Variants in XYLT1 observed in about 807,000 individuals in gnomAD.
XYLT1 encodes the protein xylosyltransferase 1.
XYLT1 carries 36 observed loss-of-function variants against 91.3 expected under a neutral mutation model. That is an observed-to-expected ratio of 0.39 (90% CI 0.30 to 0.52). The LOEUF is 0.52. Ranked by LOEUF, XYLT1 falls within the 20% of genes least tolerant of loss-of-function variation. The pLI is 0.68. For missense variants in XYLT1, 1,242 were observed against 1,284.5 expected (o/e 0.97, Z 0.51); for synonymous variants, 588 against 532.0 (o/e 1.11, Z -1.45).
chr16:17,330,104 TACACACAC>T (rs35148093), intron 2 of XYLT1, among the ~76,000 whole-genome samples: 8 of 144,476 alleles, frequency 5.5e-5, no homozygotes, highest in African/African-American at 1.0e-4. Context: ...TGGAGGTAGA[TACACACAC>T]ACACACACAC....
intron 1 of XYLT1, among the ~76,000 whole-genome samples, chr16:17,434,767 CTGA>C (rs1372991803): frequency 1.3e-5 from 2 of 151,862 alleles, no homozygotes; most frequent in Non-Finnish European, 2.9e-5. Flanking sequence ...ACTTGGGAGG[CTGA>C]TGTGGGAGGG....
At chr16:17,117,279 T>C (rs892511951) in intron 11 of XYLT1, among the ~76,000 whole-genome samples, 10 of 152,254 alleles carry the variant, frequency 6.6e-5, no homozygotes, top group African/African-American at 2.4e-4. Flanking sequence ...TATCATATTT[T>C]TGATGAACAG....
At chr16:17,384,297 A>G (rs2035720385) in intron 1 of XYLT1, among the ~76,000 whole-genome samples, 1 of 151,404 alleles carries the variant, frequency 6.6e-6, no homozygotes, top group South Asian at 2.1e-4. Flanking sequence ...GGTTTTGCCA[A>G]TTTCTTCTCC....
chr16:17,203,425 C>T (rs952670186), intron 3 of XYLT1, among the ~76,000 whole-genome samples: 1 of 152,014 alleles, frequency 6.6e-6, no homozygotes, highest in Non-Finnish European at 1.5e-5. Flanking sequence ...TCCACCATTC[C>T]ACCCATTTAT....
At chr16:17,235,776 C>G (rs1311673440) in intron 3 of XYLT1, among the ~76,000 whole-genome samples, 2 of 152,178 alleles carry the variant, frequency 1.3e-5, no homozygotes, top group African/African-American at 2.4e-5. Flanking sequence ...TGAGTGTCCT[C>G]CAAGTAACAG....
At chr16:17,282,872 C>A (rs879313848) in intron 2 of XYLT1, among the ~76,000 whole-genome samples, 10 of 152,180 alleles carry the variant, frequency 6.6e-5, no homozygotes, top group Admixed American at 4.6e-4. Flanking sequence ...CTGCATTACA[C>A]TATTTCATCC....
chr16:17,326,252 T>C (rs1389269775), intron 2 of XYLT1, among the ~76,000 whole-genome samples: 1 of 152,186 alleles, frequency 6.6e-6, no homozygotes, highest in African/African-American at 2.4e-5. Flanking sequence ...CCAGCAGATC[T>C]CCACAACTTA....
At chr16:17,132,500 GATACCA>G (rs2030521218) in intron 9 of XYLT1, among the ~76,000 whole-genome samples, 1 of 112,996 alleles carries the variant, frequency 8.8e-6, no homozygotes, top group Admixed American at 9.7e-5. Context: ...TGGCAACTAA[GATACCA>G]GCAATGACCT....
At chr16:17,286,857 GT>G (rs1461399376) in intron 2 of XYLT1, among the ~76,000 whole-genome samples, 1 of 152,150 alleles carries the variant, frequency 6.6e-6, no homozygotes, top group Non-Finnish European at 1.5e-5. Context: ...GATGGGGAGT[GT>G]TTTCATTCCA....
chr16:17,418,885 T>C (rs913370490), intron 1 of XYLT1, among the ~76,000 whole-genome samples: 6 of 151,814 alleles, frequency 4.0e-5, no homozygotes, highest in African/African-American at 2.4e-5. Context: ...TGTTCTTATG[T>C]CATTACACTC....
At chr16:17,271,566 C>T (rs1304218685) in intron 2 of XYLT1, among the ~76,000 whole-genome samples, 3 of 152,126 alleles carry the variant, frequency 2.0e-5, no homozygotes, top group South Asian at 2.1e-4. Flanking sequence ...TCAAGGACAG[C>T]GCTGTTGACA....
intron 10 of XYLT1, among the ~76,000 whole-genome samples, chr16:17,121,679 C>G (rs1176237791): frequency 6.6e-6 from 1 of 151,768 alleles, no homozygotes; most frequent in African/African-American, 2.4e-5. Context: ...TTTGGTGCAC[C>G]CATCACTTGA....
intron 1 of XYLT1, among the ~76,000 whole-genome samples, chr16:17,368,153 C>T (rs975350000): frequency 6.6e-6 from 1 of 152,146 alleles, no homozygotes; most frequent in Non-Finnish European, 1.5e-5. Flanking sequence ...GCGGAAAAAA[C>T]GATCCCAGGA....
At chr16:17,272,050 T>G (rs1373003661) in intron 2 of XYLT1, among the ~76,000 whole-genome samples, 2 of 151,908 alleles carry the variant, frequency 1.3e-5, no homozygotes, top group Non-Finnish European at 2.9e-5. Context: ...AAGTTAGGGT[T>G]CCCGCTAGGG....
intron 3 of XYLT1, among the ~76,000 whole-genome samples, chr16:17,236,715 G>A (rs947630153): frequency 2.0e-5 from 3 of 152,210 alleles, no homozygotes; most frequent in Non-Finnish European, 2.9e-5. Flanking sequence ...GGGAATTGCC[G>A]GTAATTCATG....
rs150588202 is a variant in XYLT1, at chr16:17,442,952, A to C, written c.363+27482T>G. On this transcript the variant is annotated intron_variant, in intron 1 of 11. Coordinates refer to ENST00000261381, the MANE Select transcript of XYLT1 (RefSeq NM_022166.4). ...TGAACGTGTGTTACTTTAATCAGCA[A>C]AGATGATACAAATTATTGATTCATT... Among the ~76,000 whole-genome samples the C allele has an allele frequency of 3.3e-5, 5 of 152,218 alleles. No homozygotes were observed. The East Asian group carries it at 5.8e-4, about 18-fold the overall frequency.
chr16:17,137,785 T>G (rs2030797077), intron 8 of XYLT1, among the ~76,000 whole-genome samples: 1 of 151,886 alleles, frequency 6.6e-6, no homozygotes, highest in African/African-American at 2.4e-5. Flanking sequence ...CAAACCTGGC[T>G]GCTCCTCAGA....
At chr16:17,189,323 T>A (rs1441351112) in intron 5 of XYLT1, among the ~76,000 whole-genome samples, 1 of 152,134 alleles carries the variant, frequency 6.6e-6, no homozygotes, top group African/African-American at 2.4e-5. Context: ...GGGGCTAGCA[T>A]GGGTAGAGAA....
chr16:17,155,100 G>T (rs1055963077), intron 6 of XYLT1, among the ~76,000 whole-genome samples: 1 of 152,218 alleles, frequency 6.6e-6, no homozygotes, highest in African/African-American at 2.4e-5. Context: ...AGTCACCAGT[G>T]CATTGGAAGA....
Sources: allele counts gnomAD v4.1 joint callset (sites outside exome capture counted in the v4.1 genomes callset), GRCh38; gene constraint gnomAD v4.1.1; transcripts MANE v1.5; gene names NCBI Gene and HGNC (gene_info 2026-07-23, HGNC 2026-07-21).